Variants in SBF2 observed in about 807,000 individuals in gnomAD.
SBF2 encodes the protein SET binding factor 2.
A neutral mutation model predicts 225.2 loss-of-function variants in SBF2; 112 were observed. That is an observed-to-expected ratio of 0.50 (90% CI 0.43 to 0.58). SBF2 has a LOEUF of 0.58. Among genes scored for constraint, SBF2 ranks in the 20% least tolerant of loss-of-function variants. SBF2 has a pLI of 0.00. For synonymous variants in SBF2, 763 were observed against 773.3 expected (o/e 0.99, Z 0.22); for missense variants, 1,996 against 2,206.2 (o/e 0.90, Z 1.91).
intron 13 of SBF2, among the ~76,000 whole-genome samples, chr11:9,971,439 G>A (rs1054358354): frequency 1.3e-5 from 2 of 152,118 alleles, no homozygotes; most frequent in Non-Finnish European, 2.9e-5. Context: ...AGCACTTTGG[G>A]AGTTCGGAGT....
chr11:10,059,211 T>C (rs911127958), intron 2 of SBF2, among the ~76,000 whole-genome samples: 1 of 152,106 alleles, frequency 6.6e-6, no homozygotes, highest in African/African-American at 2.4e-5. Flanking sequence ...AGGCACAAAG[T>C]AGCAAGCTGG....
intron 2 of SBF2, among the ~76,000 whole-genome samples, chr11:10,128,934 A>G (rs886185680): frequency 6.6e-6 from 1 of 152,112 alleles, no homozygotes; most frequent in Non-Finnish European, 1.5e-5. Flanking sequence ...CAAAACAGGA[A>G]TTCCTTTCCA....
At chr11:10,296,987 G>A (rs558493903), upstream of SBF2, among the ~76,000 whole-genome samples, 64 of 152,060 alleles carry the variant, frequency 4.2e-4, no homozygotes, top group Admixed American at 8.5e-4. Flanking sequence ...GTGTTTATTG[G>A]CCATTGCTAA....
chr11:9,829,948 T>C (rs1284297431), intron 27 of SBF2, among the ~76,000 whole-genome samples: 6 of 152,250 alleles, frequency 3.9e-5, no homozygotes, highest in African/African-American at 1.4e-4. Context: ...AGTTAAGAAC[T>C]TTCCAATACC....
chr11:9,842,424 T>C (rs61876909), intron 25 of SBF2, among the ~76,000 whole-genome samples: 1 of 152,172 alleles, frequency 6.6e-6, no homozygotes, highest in Admixed American at 6.5e-5. Context: ...AGTAAAGAAG[T>C]ATAATTTAAC....
chr11:9,990,172 G>GA (rs57975507), intron 12 of SBF2, among the ~76,000 whole-genome samples: 2,321 of 149,224 alleles, frequency 0.016, 38 homozygotes, highest in African/African-American at 0.04. Context: ...AAGGCTGACA[G>GA]AAAAAAAAAA....
In SBF2 at chr11:10,169,331, C is replaced by T. The variant is rs371257836; in HGVS notation, c.141+24571G>A. On this transcript the variant is annotated intron_variant, in intron 2 of 39. Coordinates refer to ENST00000256190, the MANE Select transcript of SBF2 (RefSeq NM_030962.4). Reference sequence around the variant, plus strand: ...ATCTTCTCCATTACCTCCTCTCCCCCGCCACACTACCCTTCCCAGCATCTG... The same window carrying T: ...ATCTTCTCCATTACCTCCTCTCCCCTGCCACACTACCCTTCCCAGCATCTG... Among the ~76,000 whole-genome samples, 68 of 152,240 alleles carry T rather than the reference C, an allele frequency of 4.5e-4. 1 individual carries two copies. In the South Asian group the frequency reaches 0.012, roughly 26 times the overall value.
At chr11:9,907,459 A>G (rs16907248) in intron 16 of SBF2, among the ~76,000 whole-genome samples, 9,781 of 152,226 alleles carry the variant, frequency 0.064, 502 homozygotes, top group East Asian at 0.28. Flanking sequence ...GCATGCCCCC[A>G]TATTTCTCCC....
chr11:10,216,535 A>G (rs191275793), intron 1 of SBF2, among the ~76,000 whole-genome samples: 2 of 152,382 alleles, frequency 1.3e-5, no homozygotes, highest in South Asian at 2.1e-4. Flanking sequence ...TAAGGAACGT[A>G]GAAGAATTAG....
At chr11:9,802,197 T>C (rs1853533082) in intron 32 of SBF2, among the ~76,000 whole-genome samples, 1 of 152,232 alleles carries the variant, frequency 6.6e-6, no homozygotes, top group Non-Finnish European at 1.5e-5. Flanking sequence ...AATCTTTGTA[T>C]ATTGGATTTT....
At chr11:10,279,413 C>CAAA (rs775262387) in intron 1 of SBF2, among the ~76,000 whole-genome samples, 1 of 114,478 alleles carries the variant, frequency 8.7e-6, no homozygotes. Context: ...GACTCCATCT[C>CAAA]AAAAAAAAAA....
At chr11:9,784,213 G>T in intron 38 of SBF2, 138 bp downstream of exon 38, 2 of 693,218 alleles carry the variant, frequency 2.9e-6, no homozygotes, top group Non-Finnish European at 5.1e-6. Flanking sequence ...CCCTTGAGGA[G>T]CCTCCAGACT....
chr11:9,928,076 G>C (rs558587400), intron 16 of SBF2, among the ~76,000 whole-genome samples: 1 of 152,168 alleles, frequency 6.6e-6, no homozygotes, highest in Admixed American at 6.5e-5. Flanking sequence ...ATGATACCAA[G>C]TGCATATCTA....
chr11:10,180,166 G>A (rs1956676745), intron 2 of SBF2, among the ~76,000 whole-genome samples: 1 of 151,764 alleles, frequency 6.6e-6, no homozygotes, highest in South Asian at 2.1e-4. Flanking sequence ...TATAAGTATT[G>A]CCAGTGAGTT....
At chr11:10,173,676 G>A (rs1028530733) in intron 2 of SBF2, among the ~76,000 whole-genome samples, 4 of 152,086 alleles carry the variant, frequency 2.6e-5, no homozygotes, top group African/African-American at 7.2e-5. Flanking sequence ...AAGGAGGCCT[G>A]CCTGCCTCTG....
At chr11:9,928,011 A>AG (rs34886367) in intron 16 of SBF2, among the ~76,000 whole-genome samples, 120,669 of 152,022 alleles carry the variant, frequency 0.79, 48,237 homozygotes, top group African/African-American at 0.86. Flanking sequence ...TAGCATTTTT[A>AG]AAGAAAATGA....
intron 23 of SBF2, among the ~76,000 whole-genome samples, chr11:9,846,374 A>G (rs1233937279): frequency 6.6e-6 from 1 of 152,218 alleles, no homozygotes; most frequent in Non-Finnish European, 1.5e-5. Context: ...AGACAAGCAA[A>G]ATATTGCAAA....
intron 6 of SBF2, 101 bp from the exon 7 acceptor site, chr11:10,002,790 G>T: frequency 8.9e-7 from 1 of 1,129,438 alleles, no homozygotes; most frequent in Non-Finnish European, 1.3e-6. Context: ...AGTAATTTTG[G>T]ACTCTCTGAA....
intron 38 of SBF2, among the ~76,000 whole-genome samples, chr11:9,783,502 A>G (rs1247909847): frequency 6.6e-6 from 1 of 152,232 alleles, no homozygotes; most frequent in Non-Finnish European, 1.5e-5. Context: ...CTGAGTGGTC[A>G]GTCCCAAGGT....
Sources: allele counts gnomAD v4.1 joint callset (sites outside exome capture counted in the v4.1 genomes callset), GRCh38; gene constraint gnomAD v4.1.1; transcripts MANE v1.5; gene names NCBI Gene and HGNC (gene_info 2026-07-23, HGNC 2026-07-21).